LRRTM4: variants seen among roughly 807,000 people sequenced by gnomAD.
The protein encoded by LRRTM4 is leucine-rich repeat transmembrane neuronal protein 4.
In LRRTM4, 25 loss-of-function variants were observed where a neutral mutation model predicts 47.6. The ratio of observed to expected loss-of-function variants is 0.53; its 90% CI spans 0.38 to 0.73. The LOEUF (loss-of-function observed/expected upper bound fraction) is 0.73. LRRTM4 is among the 30% of genes least tolerant of loss of function. The pLI, the probability that LRRTM4 is intolerant of heterozygous loss-of-function variation, is 0.00. For synonymous variants in LRRTM4, 311 were observed against 269.5 expected, an observed-to-expected ratio of 1.15 and a Z score of -1.51; for missense variants, 638 against 713.4, an observed-to-expected ratio of 0.89 and a Z score of 1.20.
rs200333658 is a variant in LRRTM4 at position 77,164,386 on chromosome 2, C to T, written c.1551+353932G>A. ...AGAGACTTTAACACCCTACTGTCAACATTAGACAGATCAACAGACAGAAAG... is the reference window on the plus strand; with the variant it reads ...AGAGACTTTAACACCCTACTGTCAATATTAGACAGATCAACAGACAGAAAG... On this transcript the variant is annotated intron_variant, in intron 3 of 3. Coordinates refer to ENST00000409884, the MANE Select transcript of LRRTM4 (RefSeq NM_001134745.3). Among the ~76,000 whole-genome samples the T allele has an allele frequency of 2.2e-4, 34 of 152,230 alleles. No homozygotes were observed. The East Asian group carries it at 6.2e-3, about 28-fold the overall frequency.
chr2:76,873,504 G>GTATA (rs1371189658), intron 3 of LRRTM4, among the ~76,000 whole-genome samples: 880 of 73,170 alleles, frequency 0.012, 21 homozygotes, highest in African/African-American at 0.034. Context: ...ATATATATGT[G>GTATA]TGTATATATA....
At chr2:76,794,460 AGT>A (rs1675152330) in intron 3 of LRRTM4, among the ~76,000 whole-genome samples, 1 of 152,174 alleles carries the variant, frequency 6.6e-6, no homozygotes, top group South Asian at 2.1e-4. Context: ...TGTGAACAAT[AGT>A]TTTTTCTTTC....
At chr2:76,755,524 G>A (rs1672997424) in intron 3 of LRRTM4, among the ~76,000 whole-genome samples, 1 of 152,122 alleles carries the variant, frequency 6.6e-6, no homozygotes, top group Middle Eastern at 3.4e-3. Flanking sequence ...AGACAGAGAG[G>A]ACAATATACT....
chr2:76,953,956 A>C (rs937661730), intron 3 of LRRTM4, among the ~76,000 whole-genome samples: 3 of 151,834 alleles, frequency 2.0e-5, no homozygotes, highest in Non-Finnish European at 4.4e-5. Flanking sequence ...AAGAGACTAC[A>C]ACCTCCTGAG....
At chr2:76,766,112 A>G (rs1673444705) in intron 3 of LRRTM4, among the ~76,000 whole-genome samples, 1 of 152,186 alleles carries the variant, frequency 6.6e-6, no homozygotes, top group South Asian at 2.1e-4. Context: ...CTCTGAATTT[A>G]GGGAAGAGCC....
At chr2:77,035,206 T>TC (rs1678792796) in intron 3 of LRRTM4, among the ~76,000 whole-genome samples, 1 of 151,512 alleles carries the variant, frequency 6.6e-6, no homozygotes, top group Non-Finnish European at 1.5e-5. Context: ...ATGCTATCCC[T>TC]CCCCTTCCCC....
At chr2:77,397,378 T>A (rs1446759310) in intron 3 of LRRTM4, among the ~76,000 whole-genome samples, 1 of 151,892 alleles carries the variant, frequency 6.6e-6, no homozygotes, top group Non-Finnish European at 1.5e-5. Context: ...TGTCTAAGAC[T>A]AATTACTGCT....
chr2:76,950,703 C>A (rs981712845), intron 3 of LRRTM4, among the ~76,000 whole-genome samples: 2 of 151,770 alleles, frequency 1.3e-5, no homozygotes, highest in South Asian at 4.1e-4. Context: ...CCTATGAAAG[C>A]ATTTTTAATG....
chr2:76,989,418 A>G (rs1676923794), intron 3 of LRRTM4, among the ~76,000 whole-genome samples: 1 of 151,916 alleles, frequency 6.6e-6, no homozygotes, highest in Admixed American at 6.6e-5. Flanking sequence ...ATACAGAAAA[A>G]TTAGTAAAAA....
intron 3 of LRRTM4, among the ~76,000 whole-genome samples, chr2:77,217,440 A>AAT (rs34070418): frequency 0.071 from 5,430 of 76,732 alleles, 459 homozygotes; most frequent in South Asian, 0.085. Flanking sequence ...CTCCAAATGA[A>AAT]ATATATATAT....
chr2:77,106,774 T>A (rs1671102796), intron 3 of LRRTM4, among the ~76,000 whole-genome samples: 2 of 151,878 alleles, frequency 1.3e-5, no homozygotes, highest in Non-Finnish European at 1.5e-5. Context: ...AGTTTCTAAG[T>A]TGCCAATATT....
chr2:77,022,139 G>T (rs1052956985), intron 3 of LRRTM4, among the ~76,000 whole-genome samples: 8 of 152,068 alleles, frequency 5.3e-5, no homozygotes, highest in Non-Finnish European at 1.2e-4. Flanking sequence ...CTTCTTACAT[G>T]GTGGCGGCAA....
chr2:77,243,151 G>A (rs538160968), intron 3 of LRRTM4, among the ~76,000 whole-genome samples: 276 of 152,220 alleles, frequency 1.8e-3, no homozygotes, highest in Non-Finnish European at 3.3e-3. Context: ...GGTGGCTCAC[G>A]CCTGTAATCC....
In LRRTM4 at chr2:77,050,923, C is replaced by T. The variant is rs558433621; in HGVS notation, c.1552-302007G>A. Reference sequence around the variant, plus strand: ...TTTTGATAATTCAGTCATATACTCTCTAAGTAATCATGACAATGTCTTATA... The same window carrying T: ...TTTTGATAATTCAGTCATATACTCTTTAAGTAATCATGACAATGTCTTATA... On this transcript the variant is annotated intron_variant, in intron 3 of 3. Transcript: ENST00000409884. Among the ~76,000 whole-genome samples, 189 of 152,086 alleles carry T rather than the reference C, an allele frequency of 1.2e-3. 2 individuals carry two copies. The South Asian group carries it at 0.021, about 17-fold the overall frequency.
intron 3 of LRRTM4, among the ~76,000 whole-genome samples, chr2:77,381,082 A>G (rs1673033384): frequency 1.3e-5 from 2 of 152,088 alleles, no homozygotes; most frequent in African/African-American, 4.8e-5. Context: ...TGAATTATCC[A>G]TATGATAGCA....
At chr2:76,886,959 T>C (rs1414378116) in intron 3 of LRRTM4, among the ~76,000 whole-genome samples, 4 of 151,972 alleles carry the variant, frequency 2.6e-5, no homozygotes, top group East Asian at 3.8e-4. Flanking sequence ...ACATAATACA[T>C]TGATTTTCAT....
chr2:76,848,413 C>G (rs376690399), intron 3 of LRRTM4, among the ~76,000 whole-genome samples: 27 of 152,142 alleles, frequency 1.8e-4, no homozygotes, highest in African/African-American at 6.3e-4. Context: ...AAATTATATA[C>G]TTCCCTCAAA....
At chr2:76,761,094 C>T (rs770178386) in intron 3 of LRRTM4, among the ~76,000 whole-genome samples, 9 of 152,314 alleles carry the variant, frequency 5.9e-5, no homozygotes, top group African/African-American at 1.2e-4. Context: ...TTGACAACAC[C>T]GCTTAATGTT....
At chr2:76,928,468 C>A (rs367789092) in intron 3 of LRRTM4, among the ~76,000 whole-genome samples, 1 of 152,216 alleles carries the variant, frequency 6.6e-6, no homozygotes, top group South Asian at 2.1e-4. Flanking sequence ...CCACTATCCA[C>A]GGAGGAGCTT....
Sources: allele counts gnomAD v4.1 joint callset (sites outside exome capture counted in the v4.1 genomes callset), GRCh38; gene constraint gnomAD v4.1.1; transcripts MANE v1.5; gene names NCBI Gene and HGNC (gene_info 2026-07-23, HGNC 2026-07-21).